Variants in ZSWIM3 observed in about 807,000 individuals in gnomAD.
ZSWIM3 encodes the protein zinc finger SWIM-type containing 3.
In ZSWIM3, 27 loss-of-function variants were observed where a neutral mutation model predicts 47.5. The observed-to-expected ratio is 0.57, with a 90% CI of 0.42 to 0.78. The LOEUF (loss-of-function observed/expected upper bound fraction) is 0.78. Among genes scored for constraint, ZSWIM3 ranks in the 30% least tolerant of loss-of-function variants. The pLI, the probability that ZSWIM3 is intolerant of heterozygous loss-of-function variation, is 0.00. For synonymous variants in ZSWIM3, 333 were observed against 333.9 expected (o/e 1.00, Z 0.03); for missense variants, 689 against 861.3 (o/e 0.80, Z 2.50).
intron 1 of ZSWIM3, among the ~76,000 whole-genome samples, chr20:45,863,084 G>A (rs1410412808): frequency 1.3e-5 from 2 of 151,828 alleles, no homozygotes; most frequent in Non-Finnish European, 2.9e-5. Flanking sequence ...TGTACCTGCT[G>A]TACCTGGCTC....
At chr20:45,875,135 C>T (rs531218798) in intron 1 of ZSWIM3, among the ~76,000 whole-genome samples, 2 of 151,084 alleles carry the variant, frequency 1.3e-5, no homozygotes, top group Non-Finnish European at 3.0e-5. Context: ...CTCCGCCTCC[C>T]GGGTTCACGC....
intron 1 of ZSWIM3, among the ~76,000 whole-genome samples, chr20:45,874,168 G>A (rs988940620): frequency 5.3e-5 from 8 of 152,146 alleles, no homozygotes; most frequent in African/African-American, 1.9e-4. Context: ...GATTGCTCAA[G>A]CCCAGAAGTT....
intron 1 of ZSWIM3, among the ~76,000 whole-genome samples, chr20:45,871,864 GAAAAAAAA>G (rs11410450): frequency 2.3e-5 from 3 of 131,930 alleles, no homozygotes; most frequent in African/African-American, 8.8e-5. Flanking sequence ...CTGTCTCAAA[GAAAAAAAA>G]AAAAAGAAAA....
At chr20:45,865,896 G>A (rs1985827822) in intron 1 of ZSWIM3, among the ~76,000 whole-genome samples, 1 of 151,620 alleles carries the variant, frequency 6.6e-6, no homozygotes, top group Non-Finnish European at 1.5e-5. Context: ...CGGAGGGTGA[G>A]GCAGGAGAAT....
intron 1 of ZSWIM3, among the ~76,000 whole-genome samples, chr20:45,874,677 A>T (rs2075467369): frequency 6.6e-6 from 1 of 152,226 alleles, no homozygotes; most frequent in Admixed American, 6.5e-5. Context: ...AGACAGCGGT[A>T]GTTCCCAAAA....
chr20:45,860,582 AC>A (rs566865400), intron 1 of ZSWIM3, among the ~76,000 whole-genome samples: 296 of 150,302 alleles, frequency 2.0e-3, no homozygotes, highest in Non-Finnish European at 3.3e-3. Context: ...TGCCCAACAC[AC>A]CTTGGGTCAT....
intron 1 of ZSWIM3, among the ~76,000 whole-genome samples, chr20:45,865,098 C>G (rs968902657): frequency 2.0e-5 from 3 of 152,078 alleles, no homozygotes; most frequent in African/African-American, 7.2e-5. Flanking sequence ...GCGGGCGGAT[C>G]ACTTGAGGTC....
intron 1 of ZSWIM3, chr20:45,872,770 G>A: frequency 7.8e-7 from 1 of 1,289,398 alleles, no homozygotes; most frequent in Non-Finnish European, 1.0e-6. Flanking sequence ...GACTGCTCCA[G>A]CCCTTCCTGG....
intron 1 of ZSWIM3, among the ~76,000 whole-genome samples, chr20:45,861,313 G>A (rs1985702544): frequency 6.6e-6 from 1 of 152,110 alleles, no homozygotes; most frequent in Non-Finnish European, 1.5e-5. Flanking sequence ...CTACTCTGGA[G>A]GCTGCGGCAG....
intron 1 of ZSWIM3, among the ~76,000 whole-genome samples, chr20:45,869,254 C>T (rs1240073556): frequency 6.6e-6 from 1 of 151,962 alleles, no homozygotes; most frequent in Non-Finnish European, 1.5e-5. Flanking sequence ...CGCAGTGGCT[C>T]ATGCCTATAA....
In ZSWIM3 at chr20:45,878,626, G is replaced by A. The variant is rs1262108123; in HGVS notation, c.2068G>A (p.Ala690Thr). Residue 690 changes from alanine (A) to threonine (T), a missense_variant, in exon 2 of 2, where the codon GCT (alanine) becomes ACT (threonine). Coordinates refer to ENST00000255152, the MANE Select transcript of ZSWIM3 (RefSeq NM_080752.4). ...AGAAGAAGGGGAGGGATTCCCTCCT[G>A]CTACAGCTGTGATGCATTATTGAAG... is the stretch of plus-strand genomic sequence containing the variant. ...KQEEGEGFPP[A>T]TAVMHY 1 of 1,610,714 alleles carries A rather than the reference G, an allele frequency of 6.2e-7. No individual in the cohort carries two copies. The highest frequency in any genetic ancestry group is 8.5e-7 in the Non-Finnish European group (1 of 1,177,482).
Position 45,878,873 on chromosome 20 carries a change from G to A in ZSWIM3, c.*224G>A. Reference sequence around the variant, plus strand: ...GCATTCCTTGGGAGCCTCAGTTGTTGTTCAAGGCCAAAGTTATCTCCGTGC... The same window carrying A: ...GCATTCCTTGGGAGCCTCAGTTGTTATTCAAGGCCAAAGTTATCTCCGTGC... On this transcript the variant is annotated 3_prime_UTR_variant, in exon 2 of 2. Coordinates refer to ENST00000255152, the MANE Select transcript of ZSWIM3 (RefSeq NM_080752.4). 1.8e-6 allele frequency: 1 copy of A among 555,810 alleles called. No individual in the cohort carries two copies. Among genetic ancestry groups the A allele is most frequent in the Non-Finnish European group, 3.0e-6 (1 of 328,154 alleles). 34.4% of individuals were successfully genotyped at this position (555,810 alleles called of 1,614,324 possible).
chr20:45,862,682 G>T (rs945431714), intron 1 of ZSWIM3, among the ~76,000 whole-genome samples: 1 of 152,154 alleles, frequency 6.6e-6, no homozygotes, highest in African/African-American at 2.4e-5. Context: ...AGTAGAGACA[G>T]GGTTTTGCCA....
intron 1 of ZSWIM3, 42 bp from the exon 2 acceptor site, chr20:45,876,672 G>A: frequency 6.3e-7 from 1 of 1,575,606 alleles, no homozygotes; most frequent in Non-Finnish European, 8.6e-7. Context: ...AGGGGTGGGG[G>A]GTGGTCAGCA....
intron 1 of ZSWIM3, chr20:45,872,958 G>C: frequency 2.6e-6 from 3 of 1,151,362 alleles, no homozygotes; most frequent in Non-Finnish European, 3.3e-6. Context: ...AGTGCAGGTG[G>C]AGTTTCTAGG....
In ZSWIM3 at chr20:45,878,021, C is replaced by T. The variant is rs752510789; in HGVS notation, c.1463C>T (p.Pro488Leu). The T allele has an allele frequency of 1.8e-5, 29 of 1,614,118 alleles. No homozygotes were observed. The East Asian group carries it at 2.0e-4, about 11-fold the overall frequency. ...QVQVQQQSQVPPSQVGMLDTL... is the reference protein window; with the variant it reads ...QVQVQQQSQVLPSQVGMLDTL... ...CAGGTACAGCAGCAGTCACAAGTGCCGCCCTCGCAGGTTGGCATGCTGGAC... is the reference window on the plus strand; with the variant it reads ...CAGGTACAGCAGCAGTCACAAGTGCTGCCCTCGCAGGTTGGCATGCTGGAC... The change falls in exon 2 of 2, where the codon CCG becomes CTG. Residue 488 changes from proline to leucine, a missense_variant. Transcript: ENST00000255152.
chr20:45,859,457 G>T (rs1335808448), intron 1 of ZSWIM3, among the ~76,000 whole-genome samples: 2 of 150,426 alleles, frequency 1.3e-5, no homozygotes, highest in African/African-American at 2.4e-5. Flanking sequence ...TACGGAGAAA[G>T]AAATGAATGA....
At chr20:45,870,943 C>T (rs1364681288) in intron 1 of ZSWIM3, among the ~76,000 whole-genome samples, 2 of 152,132 alleles carry the variant, frequency 1.3e-5, no homozygotes, top group Non-Finnish European at 2.9e-5. Flanking sequence ...GATCCACCTA[C>T]CTTGGCCTCC....
chr20:45,876,776 C>T lies in ZSWIM3; in HGVS notation c.218C>T (p.Ala73Val), dbSNP rs984613731. 2 of 1,614,112 alleles carry T rather than the reference C, an allele frequency of 1.2e-6. No individual in the cohort carries two copies. The highest frequency in any genetic ancestry group is 1.6e-4 in the Middle Eastern group (1 of 6,062). The change falls in exon 2 of 2, where the codon GCA (alanine) becomes GTA (valine). Residue 73 changes from alanine (A) to valine (V), a missense_variant. Coordinates refer to ENST00000255152, the MANE Select transcript of ZSWIM3 (RefSeq NM_080752.4). The part of the protein sequence containing the change: ...TQSNRKRTRE[A>V]DMCPAYLLLR... ...TCAAACAGGAAGAGAACGCGGGAGG[C>T]AGACATGTGCCCAGCGTACTTGCTC...
Sources: gnomAD v4.1 joint callset for allele counts (sites outside exome capture counted in the v4.1 genomes callset) on GRCh38, gnomAD v4.1.1 for gene constraint, MANE v1.5 for transcripts, NCBI Gene and HGNC (gene_info 2026-07-23, HGNC 2026-07-21) for gene names.